Variants in ROBO1 observed in about 807,000 individuals in gnomAD.
ROBO1 encodes roundabout guidance receptor 1, also known as roundabout homolog 1.
ROBO1 carries 149 observed loss-of-function variants against 195.9 expected under a neutral mutation model. That is an observed-to-expected ratio of 0.76 (90% confidence interval 0.67 to 0.87). The LOEUF is 0.87. Among genes scored for constraint, ROBO1 ranks in the 40% least tolerant of loss-of-function variants. ROBO1 has a pLI of 0.00. For missense variants in ROBO1, 1,933 were observed against 2,068.3 expected (o/e 0.93, Z 1.27); for synonymous variants, 816 against 733.2 (o/e 1.11, Z -1.82).
chr3:79,619,832 C>T (rs1042485442), intron 1 of ROBO1, among the ~76,000 whole-genome samples: 1 of 152,172 alleles, frequency 6.6e-6, no homozygotes, highest in African/African-American at 2.4e-5. Flanking sequence ...ATTACCCAAT[C>T]CACTCCTGAT....
At chr3:79,720,942 G>A (rs1702672888) in intron 1 of ROBO1, among the ~76,000 whole-genome samples, 1 of 151,954 alleles carries the variant, frequency 6.6e-6, no homozygotes, top group African/African-American at 2.4e-5. Context: ...ACAGGCGCCC[G>A]CCACCGTGCC....
intron 2 of ROBO1, among the ~76,000 whole-genome samples, chr3:79,157,153 C>T (rs2080873445): frequency 6.6e-6 from 1 of 151,798 alleles, no homozygotes; most frequent in South Asian, 2.1e-4. Flanking sequence ...TATTTTGTTG[C>T]TGCCTTTACA....
intron 3 of ROBO1, among the ~76,000 whole-genome samples, chr3:79,117,517 T>C (rs2108551283): frequency 6.6e-6 from 1 of 152,272 alleles, no homozygotes; most frequent in Non-Finnish European, 1.5e-5. Flanking sequence ...CCATGTTGAA[T>C]AGAGTGCGCC....
intron 2 of ROBO1, among the ~76,000 whole-genome samples, chr3:79,306,917 C>T (rs533238130): frequency 6.6e-6 from 1 of 152,094 alleles, no homozygotes; most frequent in African/African-American, 2.4e-5. Flanking sequence ...ATTTATGATG[C>T]CAGATTATTC....
intron 3 of ROBO1, among the ~76,000 whole-genome samples, chr3:78,950,875 C>T (rs2040739961): frequency 6.6e-6 from 1 of 151,868 alleles, no homozygotes; most frequent in Admixed American, 6.6e-5. Context: ...TATGAGCTTA[C>T]ATTGCTGAGT....
intron 3 of ROBO1, among the ~76,000 whole-genome samples, chr3:79,006,722 T>A (rs549947782): frequency 1.4e-5 from 2 of 139,082 alleles, no homozygotes; most frequent in South Asian, 2.2e-4. Flanking sequence ...AGACCTTGTA[T>A]AGGCATTTCA....
At chr3:79,187,134 C>A (rs2081454825) in intron 2 of ROBO1, among the ~76,000 whole-genome samples, 1 of 151,960 alleles carries the variant, frequency 6.6e-6, no homozygotes, top group South Asian at 2.1e-4. Context: ...TTTAAAACTT[C>A]CATTAAACAC....
At chr3:79,583,040 C>T (rs1943708854) in intron 2 of ROBO1, among the ~76,000 whole-genome samples, 1 of 151,982 alleles carries the variant, frequency 6.6e-6, no homozygotes, top group Non-Finnish European at 1.5e-5. Flanking sequence ...ACTCTGGGTT[C>T]TAGTGCACAT....
chr3:79,685,641 A>C (rs1947081706), intron 1 of ROBO1, among the ~76,000 whole-genome samples: 1 of 152,106 alleles, frequency 6.6e-6, no homozygotes, highest in Non-Finnish European at 1.5e-5. Context: ...TTACAAACCC[A>C]TTGTGCACGC....
chr3:78,824,249 G>A (rs887013309), intron 4 of ROBO1, among the ~76,000 whole-genome samples: 4 of 152,128 alleles, frequency 2.6e-5, no homozygotes, highest in Non-Finnish European at 4.4e-5. Flanking sequence ...TATTAGGTTA[G>A]TGCAGAAGTA....
intron 4 of ROBO1, among the ~76,000 whole-genome samples, chr3:78,862,041 G>T (rs1352710237): frequency 6.6e-6 from 1 of 152,180 alleles, no homozygotes. Context: ...AAGGAACTTT[G>T]TAGATGTAGT....
chr3:78,717,722 A>C, intron 6 of ROBO1, 41 bp downstream of exon 6: 1 of 1,598,824 alleles, frequency 6.3e-7, no homozygotes, highest in Non-Finnish European at 8.5e-7. Context: ...ATGATAAGAG[A>C]TCTATTTTTC....
chr3:79,564,794 G>T (rs563098875), intron 2 of ROBO1, among the ~76,000 whole-genome samples: 1 of 152,038 alleles, frequency 6.6e-6, no homozygotes, highest in Non-Finnish European at 1.5e-5. Context: ...AATGCTTCAT[G>T]CTTTAGAATT....
At chr3:79,144,365 A>T (rs1294339097) in intron 2 of ROBO1, among the ~76,000 whole-genome samples, 3 of 152,022 alleles carry the variant, frequency 2.0e-5, no homozygotes, top group Non-Finnish European at 4.4e-5. Flanking sequence ...GGTTAAAGTT[A>T]AACCTCTGAG....
At chr3:78,687,633 C>G (rs1196104346) in intron 9 of ROBO1, among the ~76,000 whole-genome samples, 1 of 152,084 alleles carries the variant, frequency 6.6e-6, no homozygotes, top group African/African-American at 2.4e-5. Context: ...CTGTTTTATA[C>G]TTATTTTCTG....
At chr3:79,380,724 G>A (rs2036540806) in intron 2 of ROBO1, among the ~76,000 whole-genome samples, 1 of 152,050 alleles carries the variant, frequency 6.6e-6, no homozygotes, top group Admixed American at 6.5e-5. Flanking sequence ...CTCCCATCAA[G>A]AGCCGAAGTC....
At chr3:78,665,872 T>A (rs991007407) in intron 14 of ROBO1, among the ~76,000 whole-genome samples, 2 of 152,062 alleles carry the variant, frequency 1.3e-5, no homozygotes, top group Non-Finnish European at 2.9e-5. Context: ...TCTCTATATT[T>A]CCAGTATTCC....
chr3:79,610,642 G>A (rs1031547292), intron 1 of ROBO1, among the ~76,000 whole-genome samples: 2 of 151,958 alleles, frequency 1.3e-5, no homozygotes, highest in Admixed American at 1.3e-4. Flanking sequence ...AGAAGTTCAT[G>A]TTCTGTGAGC....
rs576592785 is a variant in ROBO1 at position 79,428,854 on chromosome 3, G to GA, written c.88+160969dup. 2.4e-3 allele frequency among the ~76,000 whole-genome samples: 362 copies of GA among 148,190 alleles called. 3 individuals carry two copies. Among genetic ancestry groups the GA allele is most frequent in the Admixed American group, 3.2e-3 (47 of 14,856 alleles). ...GGATTTCAAATACTCTATGTTAAGT[G>GA]AAAAAAAAAATCAGAAAGAAAAAGC... On this transcript the variant is annotated intron_variant, in intron 2 of 30. Coordinates refer to ENST00000464233, the MANE Select transcript of ROBO1 (RefSeq NM_002941.4).
Sources: allele counts gnomAD v4.1 joint callset (sites outside exome capture counted in the v4.1 genomes callset), GRCh38; gene constraint gnomAD v4.1.1; transcripts MANE v1.5; gene names NCBI Gene and HGNC (gene_info 2026-07-23, HGNC 2026-07-21).